Variants in SCML4 observed in about 807,000 individuals in gnomAD.
SCML4 encodes Scm polycomb group protein like 4.
In SCML4, 34 loss-of-function variants were observed where a neutral mutation model predicts 41.1. The observed-to-expected ratio is 0.83, with a 90% CI of 0.63 to 1.10. The LOEUF (loss-of-function observed/expected upper bound fraction) is 1.10. Ranked by LOEUF, SCML4 falls within the 50% of genes least tolerant of loss-of-function variation. The pLI, the probability that SCML4 is intolerant of heterozygous loss-of-function variation, is 0.00. For missense variants in SCML4, 522 were observed against 534.1 expected, an observed-to-expected ratio of 0.98 and a Z score of 0.22; for synonymous variants, 214 against 220.9, an observed-to-expected ratio of 0.97 and a Z score of 0.28.
intron 1 of SCML4, among the ~76,000 whole-genome samples, chr6:107,774,725 GA>G (rs1780784734): frequency 6.6e-6 from 1 of 152,006 alleles, no homozygotes; most frequent in Non-Finnish European, 1.5e-5. Flanking sequence ...GTCAACAAGA[GA>G]AAACCCATGA....
intron 1 of SCML4, among the ~76,000 whole-genome samples, chr6:107,780,005 G>A (rs924511754): frequency 6.6e-6 from 1 of 152,156 alleles, no homozygotes. Flanking sequence ...GTACATCCAT[G>A]GAGGCCAGGG....
intron 2 of SCML4, among the ~76,000 whole-genome samples, chr6:107,755,371 C>T (rs748718199): frequency 9.9e-5 from 15 of 152,122 alleles, no homozygotes; most frequent in South Asian, 2.1e-4. Context: ...TAAAAAATCA[C>T]GAGTAGAAAT....
intron 5 of SCML4, among the ~76,000 whole-genome samples, chr6:107,734,143 C>T (rs1004748291): frequency 2.0e-5 from 3 of 151,968 alleles, no homozygotes; most frequent in Non-Finnish European, 2.9e-5. Context: ...CTCTTTTTTT[C>T]AGGCTTTTTA....
chr6:107,751,644 TTC>T (rs1158174161), intron 2 of SCML4, among the ~76,000 whole-genome samples: 2 of 146,316 alleles, frequency 1.4e-5, no homozygotes, highest in Admixed American at 6.8e-5. Context: ...CTTTCTTTCT[TTC>T]TTTTTTGAGA....
intron 2 of SCML4, among the ~76,000 whole-genome samples, chr6:107,764,871 C>T (rs1441105795): frequency 6.6e-6 from 1 of 152,090 alleles, no homozygotes. Flanking sequence ...CAACGGGAAA[C>T]CCCTTTCGCT....
At chr6:107,744,167 C>T (rs1394937743) in intron 5 of SCML4, 1 of 152,168 alleles carries the variant, frequency 6.6e-6, no homozygotes, top group Non-Finnish European at 1.5e-5. Context: ...ACATTTCTAC[C>T]CATCCTTGAG....
chr6:107,707,954 G>A lies in SCML4; in HGVS notation c.1031C>T (p.Ser344Phe). 6.4e-7 allele frequency: 1 copy of A among 1,551,634 alleles called. No individual in the cohort carries two copies. The highest frequency in any genetic ancestry group is 8.7e-7 in the Non-Finnish European group (1 of 1,147,012). Residue 344 changes from serine to phenylalanine, a missense_variant, in exon 7 of 8, where the codon TCC becomes TTC. Coordinates refer to ENST00000369020, the MANE Select transcript of SCML4 (RefSeq NM_198081.5). ...CACCACGTCCTCCACAGTCCAGGCG[G>A]AGGGGTTCCTGCTCCGTGGCCGCCT... is the stretch of plus-strand genomic sequence containing the variant. Reference protein sequence around the residue: ...DARRPRSRNPSAWTVEDVVWF... With the variant: ...DARRPRSRNPFAWTVEDVVWF...
At chr6:107,755,306 A>C (rs955312505) in intron 2 of SCML4, among the ~76,000 whole-genome samples, 17 of 152,226 alleles carry the variant, frequency 1.1e-4, no homozygotes, top group Admixed American at 2.0e-4. Context: ...ATGAAAGAAA[A>C]AGTCACGAGC....
At chr6:107,765,461 C>T (rs1036528175) in intron 2 of SCML4, among the ~76,000 whole-genome samples, 9 of 152,056 alleles carry the variant, frequency 5.9e-5, no homozygotes, top group Non-Finnish European at 1.0e-4. Context: ...GCTGAGATTG[C>T]GCCATTGCAC....
chr6:107,837,879 A>G, the SCML4 span, among the ~76,000 whole-genome samples: 686 of 151,622 alleles, frequency 4.5e-3, 12 homozygotes, highest in African/African-American at 0.016. Context: ...TGTGTCCCAG[A>G]ATAACCTCAC....
the SCML4 span, among the ~76,000 whole-genome samples, chr6:107,830,277 C>T: frequency 1.3e-5 from 2 of 152,346 alleles, no homozygotes; most frequent in Admixed American, 1.3e-4. Flanking sequence ...AACATGGCTC[C>T]TCTCAGACAG....
chr6:107,777,800 C>T (rs1255919251), intron 1 of SCML4, among the ~76,000 whole-genome samples: 1 of 152,154 alleles, frequency 6.6e-6, no homozygotes, highest in African/African-American at 2.4e-5. Flanking sequence ...CACCACCTCC[C>T]CACAGGTGGC....
intron 2 of SCML4, among the ~76,000 whole-genome samples, chr6:107,767,060 C>T (rs1419082126): frequency 3.3e-5 from 5 of 151,608 alleles, no homozygotes; most frequent in African/African-American, 4.8e-5. Flanking sequence ...AAGCAATTCT[C>T]CTGCCTCAGC....
chr6:107,736,944 A>G (rs567963408), intron 5 of SCML4, among the ~76,000 whole-genome samples: 1 of 152,352 alleles, frequency 6.6e-6, no homozygotes, highest in East Asian at 1.9e-4. Flanking sequence ...AAAGTAAACA[A>G]TCTGTCCCCA....
At chr6:107,763,139 C>T (rs1467362916) in intron 2 of SCML4, among the ~76,000 whole-genome samples, 1 of 151,916 alleles carries the variant, frequency 6.6e-6, no homozygotes, top group Admixed American at 6.6e-5. Flanking sequence ...TGCCTAGCCT[C>T]CCAAAGTGCT....
At chr6:107,798,355 T>C (rs571021012) in intron 1 of SCML4, among the ~76,000 whole-genome samples, 1 of 151,990 alleles carries the variant, frequency 6.6e-6, no homozygotes, top group African/African-American at 2.4e-5. Context: ...TGGTCAGTTG[T>C]GTTTTTCAAA....
rs746566495 is a variant in SCML4 at position 107,704,911 on chromosome 6, G to T, written c.*289C>A. ...TAAGCATTCAGTTCCCCACTCTCTC[G>T]TTATGCAAATAGGACCCACTTTAAG... On this transcript the variant is annotated 3_prime_UTR_variant, in exon 8 of 8. Transcript: ENST00000369020. The T allele has an allele frequency of 4.5e-6, 2 of 447,480 alleles. No homozygotes were observed. Among genetic ancestry groups the T allele is most frequent in the Admixed American group, 7.3e-5 (2 of 27,508 alleles). 27.7% of individuals were successfully genotyped at this position (447,480 alleles called of 1,614,324 possible). A position where few individuals can be genotyped will look rare whatever the true frequency, so the allele number is the denominator to read the frequency against.
chr6:107,720,465 G>A (rs1775264473), intron 6 of SCML4: 2 of 1,216,890 alleles, frequency 1.6e-6, no homozygotes, highest in Non-Finnish European at 1.0e-6. Context: ...TGTACATTTT[G>A]GAGTCTACGT....
upstream of SCML4, among the ~76,000 whole-genome samples, chr6:107,826,004 C>A (rs1317100396): frequency 6.7e-6 from 1 of 150,158 alleles, no homozygotes; most frequent in Non-Finnish European, 1.5e-5. Flanking sequence ...CCTGTAATCC[C>A]AGCATTTTGG....
Sources: allele counts gnomAD v4.1 joint callset (sites outside exome capture counted in the v4.1 genomes callset), GRCh38; gene constraint gnomAD v4.1.1; transcripts MANE v1.5; gene names NCBI Gene and HGNC (gene_info 2026-07-23, HGNC 2026-07-21).